The following TDRD5 variants were observed in gnomAD, a reference collection of about 807,000 sequenced individuals.
TDRD5 encodes tudor domain-containing protein 5.
Under a neutral mutation model 120.6 loss-of-function variants are expected in TDRD5, and 41 were observed. The observed-to-expected ratio is 0.34, with a 90% CI of 0.26 to 0.44. TDRD5 has a LOEUF of 0.44. Ranked by LOEUF, TDRD5 falls within the 20% of genes least tolerant of loss-of-function variation. The probability of loss-of-function intolerance (pLI) is 1.00; values close to 1 mark genes in which losing one functional copy is unlikely to be tolerated. For synonymous variants in TDRD5, 430 were observed against 433.7 expected (o/e 0.99, Z 0.11); for missense variants, 1,006 against 1,221.2 (o/e 0.82, Z 2.63).
intron 6 of TDRD5, among the ~76,000 whole-genome samples, chr1:179,623,542 C>A: frequency 6.7e-6 from 1 of 148,548 alleles, no homozygotes; most frequent in African/African-American, 2.5e-5. Flanking sequence ...CTGGTGAATT[C>A]TGTTAAAACA....
chr1:179,628,314 C>A (rs373792477), intron 6 of TDRD5, among the ~76,000 whole-genome samples: 14 of 54,976 alleles, frequency 2.5e-4, no homozygotes, highest in Admixed American at 1.9e-3. Context: ...TATTTCTTTT[C>A]TTTTCTTTTC....
intron 11 of TDRD5, among the ~76,000 whole-genome samples, chr1:179,650,271 C>T (rs907506613): frequency 6.6e-5 from 10 of 151,946 alleles, no homozygotes; most frequent in Non-Finnish European, 1.2e-4. Flanking sequence ...TGTAGTGGCA[C>T]GCACCTGTAA....
At chr1:179,655,286 C>G (rs142152273) in intron 14 of TDRD5, among the ~76,000 whole-genome samples, 1 of 152,272 alleles carries the variant, frequency 6.6e-6, no homozygotes, top group East Asian at 1.9e-4. Flanking sequence ...CTTCCCCCTA[C>G]CATGTTACTG....
chr1:179,685,838 C>G (rs1225435087), intron 17 of TDRD5, among the ~76,000 whole-genome samples: 1 of 151,448 alleles, frequency 6.6e-6, no homozygotes, highest in Admixed American at 6.6e-5. Context: ...ATTTGGCTCT[C>G]TGTTTGTCTG....
chr1:179,677,079 G>A (rs1408675887), intron 17 of TDRD5, among the ~76,000 whole-genome samples: 1 of 151,992 alleles, frequency 6.6e-6, no homozygotes, highest in Non-Finnish European at 1.5e-5. Context: ...GATGGATCAG[G>A]TTAATTCAAA....
intron 4 of TDRD5, among the ~76,000 whole-genome samples, chr1:179,616,963 G>A (rs1676594067): frequency 6.6e-6 from 1 of 152,062 alleles, no homozygotes. Context: ...TCTGCAAATG[G>A]GAGGAACCTT....
intron 4 of TDRD5, among the ~76,000 whole-genome samples, chr1:179,612,935 CAAAAAAAAAAAAA>C (rs35980053): frequency 1.1e-5 from 1 of 88,470 alleles, no homozygotes; most frequent in Non-Finnish European, 2.3e-5. Context: ...GACTTTGTCT[CAAAAAAAAAAAAA>C]AAAAAAAAGA....
chr1:179,648,089 A>G lies in TDRD5; in HGVS notation c.1801-2778A>G, dbSNP rs1426221074. ...AAATACCATTTGACGCAGCCATCCC[A>G]TTACTGGGTATATACCCAAAGGACT... On this transcript the variant is annotated intron_variant, in intron 11 of 17. Transcript: ENST00000444136. Among the ~76,000 whole-genome samples the G allele has an allele frequency of 2.0e-5, 3 of 151,384 alleles. No homozygotes were observed. The East Asian group carries it at 5.9e-4, about 30-fold the overall frequency.
intron 17 of TDRD5, among the ~76,000 whole-genome samples, chr1:179,684,043 TTTTA>T (rs1321843019): frequency 1.3e-5 from 2 of 152,094 alleles, no homozygotes; most frequent in Non-Finnish European, 2.9e-5. Flanking sequence ...TTACTTCAGC[TTTTA>T]TTTCATTTTT....
chr1:179,615,886 A>G (rs35045558), intron 4 of TDRD5, among the ~76,000 whole-genome samples: 28,525 of 151,910 alleles, frequency 0.19, 3,024 homozygotes, highest in East Asian at 0.35. Context: ...CAGATTACAT[A>G]GTAAATATTT....
At chr1:179,671,577 A>G (rs891488212) in intron 17 of TDRD5, among the ~76,000 whole-genome samples, 2 of 148,562 alleles carry the variant, frequency 1.3e-5, no homozygotes, top group Non-Finnish European at 3.0e-5. Context: ...GACAAATTAT[A>G]TGATTTTTAA....
chr1:179,642,836 C>T (rs1286537373), intron 11 of TDRD5, among the ~76,000 whole-genome samples: 1 of 152,070 alleles, frequency 6.6e-6, no homozygotes, highest in Admixed American at 6.5e-5. Context: ...AGCATAATAG[C>T]AACAGACTAT....
chr1:179,664,302 A>T (rs1461738831), intron 16 of TDRD5, among the ~76,000 whole-genome samples: 1 of 151,966 alleles, frequency 6.6e-6, no homozygotes, highest in Non-Finnish European at 1.5e-5. Context: ...TTTTTTAAAT[A>T]CAGCTTTATT....
intron 17 of TDRD5, among the ~76,000 whole-genome samples, chr1:179,672,935 A>G (rs1275142060): frequency 6.6e-6 from 1 of 152,084 alleles, no homozygotes; most frequent in East Asian, 1.9e-4. Context: ...TGGGTTCCCT[A>G]TTCTGTTCCA....
Position 179,691,192 on chromosome 1 carries a change from T to A in TDRD5, c.*249T>A. 1 of 384,916 alleles carries A rather than the reference T, an allele frequency of 2.6e-6. No homozygotes were observed. Among genetic ancestry groups the A allele is most frequent in the South Asian group, 4.4e-5 (1 of 22,988 alleles). 23.8% of individuals were successfully genotyped at this position (384,916 alleles called of 1,614,324 possible). On this transcript the variant is annotated 3_prime_UTR_variant, in exon 18 of 18. Transcript: ENST00000444136. ...TCATTTTGTTCACCTTTGTTTTTAA[T>A]GTAGTTTAAAGGAATTTGTTTTTTT...
intron 6 of TDRD5, among the ~76,000 whole-genome samples, chr1:179,621,513 C>G (rs1676842640): frequency 6.6e-6 from 1 of 152,022 alleles, no homozygotes; most frequent in South Asian, 2.1e-4. Flanking sequence ...TAGAGAAACT[C>G]TTGCACATGT....
chr1:179,622,954 A>G (rs1676915718), intron 6 of TDRD5, among the ~76,000 whole-genome samples: 1 of 152,200 alleles, frequency 6.6e-6, no homozygotes, highest in Non-Finnish European at 1.5e-5. Flanking sequence ...CATAGTAAAA[A>G]TGCAGAAAAC....
intron 14 of TDRD5, among the ~76,000 whole-genome samples, chr1:179,655,008 A>G (rs1678925152): frequency 6.6e-6 from 1 of 152,158 alleles, no homozygotes; most frequent in South Asian, 2.1e-4. Flanking sequence ...TTTTTATTTT[A>G]ATCAAATGTT....
At chr1:179,618,173 G>A (rs1676657110) in intron 4 of TDRD5, among the ~76,000 whole-genome samples, 1 of 152,040 alleles carries the variant, frequency 6.6e-6, no homozygotes, top group African/African-American at 2.4e-5. Context: ...TTTCCTTCCT[G>A]TCCTTTAGGG....
Sources: allele counts gnomAD v4.1 joint callset (sites outside exome capture counted in the v4.1 genomes callset), GRCh38; gene constraint gnomAD v4.1.1; transcripts MANE v1.5; gene names NCBI Gene and HGNC (gene_info 2026-07-23, HGNC 2026-07-21).